The following SFXN5 variants were observed in gnomAD, a reference collection of about 807,000 sequenced individuals.
SFXN5 encodes the protein sideroflexin 5, also known as sideroflexin-5.
A neutral mutation model predicts 50.2 loss-of-function variants in SFXN5; 43 were observed. That is an observed-to-expected ratio of 0.86 (90% CI 0.67 to 1.11). SFXN5 has a LOEUF of 1.11. Ranked by LOEUF, SFXN5 falls within the 50% of genes least tolerant of loss-of-function variation. The pLI is 0.00. For missense variants in SFXN5, 463 were observed against 454.1 expected, an observed-to-expected ratio of 1.02 and a Z score of -0.18; for synonymous variants, 203 against 185.8, an observed-to-expected ratio of 1.09 and a Z score of -0.75.
chr2:73,018,169 C>T lies in SFXN5; in HGVS notation c.357+2070G>A, dbSNP rs1676405297. 2.0e-5 allele frequency among the ~76,000 whole-genome samples: 3 copies of T among 150,208 alleles called. No individual in the cohort carries two copies. In the Admixed American group the frequency reaches 2.0e-4, roughly 10 times the overall value. On this transcript the variant is annotated intron_variant, in intron 6 of 13. Coordinates refer to ENST00000272433, the MANE Select transcript of SFXN5 (RefSeq NM_144579.3). ...GCTCCAGTGAGCCATGATCCTGCCA[C>T]TGCACTCCAGCCTGGGTGACAGTGA...
chr2:73,003,601 C>A (rs763837834), intron 6 of SFXN5, among the ~76,000 whole-genome samples: 2 of 152,200 alleles, frequency 1.3e-5, no homozygotes, highest in Non-Finnish European at 2.9e-5. Flanking sequence ...TCTCCACAGC[C>A]CCATCTGCCA....
rs1308685594 is a variant in SFXN5, at chr2:72,973,258, G to A, written c.626-1573C>T. 1 of 166,796 alleles carries A rather than the reference G, an allele frequency of 6.0e-6. No homozygotes were observed. The highest frequency in any genetic ancestry group is 1.5e-5 in the Non-Finnish European group (1 of 68,206). 10.3% of individuals were successfully genotyped at this position (166,796 alleles called of 1,614,324 possible). ...TGCTTCCACCGACGCTCAGTGCAGT[G>A]GAAACCATGGGCAGTCCCTCTGTGT... On this transcript the variant is annotated intron_variant, in intron 10 of 13. Transcript: ENST00000272433. The surrounding 1 kb of genome is among the most constrained non-coding windows in gnomAD (Gnocchi z 5.5).
At position 72,953,115 on chromosome 2, in the gene SFXN5, G is replaced by A. The variant is rs1238142956; in HGVS notation, c.945+8016C>T. ...TGTATGTGTGCGAGCCTGTGTGCAC[G>A]CGCAGGTTTGGGGTGGGGGTGTGGG... On this transcript the variant is annotated intron_variant, in intron 13 of 13. Transcript: ENST00000272433. This position sits in a 1 kb window ranked among gnomAD's most constrained non-coding sequence, Gnocchi z 4.1. Among the ~76,000 whole-genome samples, 2 of 152,292 alleles carry A rather than the reference G, an allele frequency of 1.3e-5. No homozygotes were observed. Among genetic ancestry groups the A allele is most frequent in the South Asian group, 2.1e-4 (1 of 4,828 alleles).
chr2:72,993,150 C>A (rs1574057704), intron 9 of SFXN5, among the ~76,000 whole-genome samples: 1 of 152,126 alleles, frequency 6.6e-6, no homozygotes, highest in African/African-American at 2.4e-5. Context: ...AAAAGGAGGG[C>A]CCCTCTTGGG....
At chr2:73,024,870 A>G (rs1405884321) in intron 3 of SFXN5, among the ~76,000 whole-genome samples, 1 of 152,234 alleles carries the variant, frequency 6.6e-6, no homozygotes, top group African/African-American at 2.4e-5. Context: ...GGTAGTAAAA[A>G]TAGAAGTTAT....
intron 2 of SFXN5, among the ~76,000 whole-genome samples, chr2:73,043,419 C>T (rs1679903820): frequency 6.6e-6 from 1 of 152,226 alleles, no homozygotes; most frequent in African/African-American, 2.4e-5. Flanking sequence ...CCAACACAGG[C>T]AAACCAGAGA....
chr2:73,054,342 T>C (rs1476161973), intron 2 of SFXN5, among the ~76,000 whole-genome samples: 2 of 152,350 alleles, frequency 1.3e-5, no homozygotes, highest in Non-Finnish European at 2.9e-5. Flanking sequence ...AGTCAGTAAA[T>C]ATTTAAGTTG....
intron 6 of SFXN5, among the ~76,000 whole-genome samples, chr2:73,002,826 C>T (rs1674083398): frequency 6.6e-6 from 1 of 151,974 alleles, no homozygotes; most frequent in Non-Finnish European, 1.5e-5. Flanking sequence ...TTTGCAGTGG[C>T]AGCTTAGGGA....
intron 6 of SFXN5, among the ~76,000 whole-genome samples, chr2:73,007,828 T>C (rs56996879): frequency 0.063 from 9,652 of 152,218 alleles, 964 homozygotes; most frequent in African/African-American, 0.21. Flanking sequence ...GATCTGAAAG[T>C]TACACTTCAG....
rs1053598214 is a variant in SFXN5 at position 72,943,689 on chromosome 2, C to T, written c.*1333G>A. The T allele has an allele frequency of 5.2e-5, 8 of 152,862 alleles. No homozygotes were observed. The highest frequency in any genetic ancestry group is 1.9e-4 in the African/African-American group (8 of 41,478). The allele number at this position is 152,862 out of a possible 1,614,324, so 9.5% of individuals were successfully genotyped here. On this transcript the variant is annotated 3_prime_UTR_variant, in exon 14 of 14. Transcript: ENST00000272433. Reference sequence around the variant, plus strand: ...TAAAGTGTTTGGCAAAGGTCAACTGCTCCCGGGATATGGAGTCACATACAC... The same window carrying T: ...TAAAGTGTTTGGCAAAGGTCAACTGTTCCCGGGATATGGAGTCACATACAC...
At chr2:72,952,839 C>G (rs1267949067) in intron 13 of SFXN5, among the ~76,000 whole-genome samples, 1 of 152,160 alleles carries the variant, frequency 6.6e-6, no homozygotes, top group Non-Finnish European at 1.5e-5. Context: ...CACCCAGGGT[C>G]CCCACACTCA....
chr2:73,058,684 G>A, intron 1 of SFXN5, 88 bp from the exon 2 acceptor site: 1 of 1,252,422 alleles, frequency 8.0e-7, no homozygotes, highest in Non-Finnish European at 1.2e-6. Context: ...CTTTATGATT[G>A]GGGTCCCCCG....
intron 2 of SFXN5, among the ~76,000 whole-genome samples, chr2:73,044,984 G>A (rs1213791240): frequency 6.6e-6 from 1 of 152,204 alleles, no homozygotes; most frequent in Non-Finnish European, 1.5e-5. Flanking sequence ...GGGGACAGAG[G>A]GACAAGGAAG....
intron 2 of SFXN5, among the ~76,000 whole-genome samples, chr2:73,051,442 G>A (rs1574239867): frequency 6.6e-6 from 1 of 152,112 alleles, no homozygotes; most frequent in African/African-American, 2.4e-5. Flanking sequence ...ATTTTTAGTA[G>A]AGACAGGGTT....
intron 10 of SFXN5, among the ~76,000 whole-genome samples, chr2:72,987,275 A>G (rs1672030123): frequency 6.6e-6 from 1 of 151,376 alleles, no homozygotes; most frequent in Non-Finnish European, 1.5e-5. Context: ...ACACCCAGCT[A>G]ATTTTTCTAT....
intron 13 of SFXN5, among the ~76,000 whole-genome samples, chr2:72,949,120 G>C (rs941757904): frequency 5.3e-5 from 8 of 152,168 alleles, no homozygotes; most frequent in African/African-American, 1.9e-4. Flanking sequence ...CAAGCTTGCT[G>C]GGTGAAGAAA....
intron 13 of SFXN5, among the ~76,000 whole-genome samples, chr2:72,948,422 A>C (rs1219549301): frequency 6.6e-6 from 1 of 152,254 alleles, no homozygotes; most frequent in Non-Finnish European, 1.5e-5. Flanking sequence ...TTTTAAGTTA[A>C]GACATCTTGG....
At chr2:72,986,545 CCT>C (rs1212403832) in intron 10 of SFXN5, among the ~76,000 whole-genome samples, 2 of 152,200 alleles carry the variant, frequency 1.3e-5, no homozygotes, top group Admixed American at 6.5e-5. Context: ...GTCCTCATGC[CCT>C]GTGCTGGCCT....
chr2:73,071,301 G>A (rs1486000536), intron 1 of SFXN5: 10 of 399,922 alleles, frequency 2.5e-5, no homozygotes, highest in African/African-American at 4.2e-5. Flanking sequence ...CCGGGCGCTC[G>A]GGACCTTGAC....
Sources: allele counts gnomAD v4.1 joint callset (sites outside exome capture counted in the v4.1 genomes callset), GRCh38; gene constraint gnomAD v4.1.1; non-coding constraint Gnocchi (gnomAD v3.1); transcripts MANE v1.5; gene names NCBI Gene and HGNC (gene_info 2026-07-23, HGNC 2026-07-21).